Variants in RYR2 observed in about 807,000 individuals in gnomAD.
The protein encoded by RYR2 is ryanodine receptor 2, also known as cardiac muscle ryanodine receptor-calcium release channel.
A neutral mutation model predicts 601.1 loss-of-function variants in RYR2; 227 were observed. That is an observed-to-expected ratio of 0.38 (90% confidence interval 0.34 to 0.42). The LOEUF is 0.42. Ranked by LOEUF, RYR2 falls within the 10% of genes least tolerant of loss-of-function variation. The probability of loss-of-function intolerance (pLI) is 1.00; values close to 1 mark genes in which losing one functional copy is unlikely to be tolerated. For missense variants in RYR2, 4,646 were observed against 6,156.5 expected (o/e 0.75, Z 8.21); for synonymous variants, 2,223 against 2,175.1 (o/e 1.02, Z -0.61).
intron 27 of RYR2, among the ~76,000 whole-genome samples, chr1:237,551,946 C>T (rs1342488565): frequency 2.0e-5 from 3 of 152,094 alleles, no homozygotes; most frequent in African/African-American, 7.2e-5. Flanking sequence ...GTGTAGGATC[C>T]TAATCATAGG....
intron 99 of RYR2, among the ~76,000 whole-genome samples, chr1:237,806,541 A>G (rs147550689): frequency 6.6e-5 from 10 of 152,286 alleles, no homozygotes; most frequent in Non-Finnish European, 1.0e-4. Context: ...CGAAAATGAA[A>G]TAAAAACAAA....
chr1:237,425,161 T>A (rs190385187), intron 12 of RYR2, among the ~76,000 whole-genome samples: 2 of 152,308 alleles, frequency 1.3e-5, no homozygotes, highest in East Asian at 3.9e-4. Context: ...TACATGTTGG[T>A]CTTTGAAAGT....
chr1:237,158,722 C>T (rs1305242048), intron 1 of RYR2, among the ~76,000 whole-genome samples: 5 of 152,136 alleles, frequency 3.3e-5, no homozygotes, highest in Non-Finnish European at 5.9e-5. Context: ...GTCCAGGTTT[C>T]GTCTCCTCAG....
intron 1 of RYR2, among the ~76,000 whole-genome samples, chr1:237,247,992 G>A (rs1420148163): frequency 1.3e-5 from 2 of 152,074 alleles, no homozygotes; most frequent in Admixed American, 6.6e-5. Context: ...ATGATACATT[G>A]GCCGGGCACG....
At chr1:237,174,664 A>T (rs1471214456) in intron 1 of RYR2, among the ~76,000 whole-genome samples, 3 of 152,110 alleles carry the variant, frequency 2.0e-5, no homozygotes, top group Admixed American at 6.5e-5. Flanking sequence ...TCATGTTCTA[A>T]TATCCCGACT....
intron 45 of RYR2, 113 bp from the exon 46 acceptor site, chr1:237,638,902 T>G: frequency 1.6e-6 from 2 of 1,233,702 alleles, no homozygotes; most frequent in Non-Finnish European, 2.3e-6. Context: ...TTTATTAGTA[T>G]ATTGTTGGGT....
In RYR2 at chr1:237,566,697, T is replaced by C. The variant is rs1179145556; in HGVS notation, c.3345T>C (p.Val1115=). 5.0e-6 allele frequency: 8 copies of C among 1,613,928 alleles called. No homozygotes were observed. Among genetic ancestry groups the C allele is most frequent in the Non-Finnish European group, 6.8e-6 (8 of 1,179,874 alleles). The part of the protein sequence containing the change: ...FETVTAGDMR[V]GWSRPGCQPD... The stretch of plus-strand genomic sequence containing the variant: ...CGGTCACTGCTGGAGACATGAGGGT[T>C]GGTTGGAGTCGTCCTGGTTGTCAAC... Residue 1115 remains valine (V), a synonymous_variant, in exon 28 of 105, where the codon GTT becomes GTC. Coordinates refer to ENST00000366574, the MANE Select transcript of RYR2 (RefSeq NM_001035.3).
At chr1:237,544,652 G>T (rs1669618797) in intron 25 of RYR2, among the ~76,000 whole-genome samples, 1 of 152,146 alleles carries the variant, frequency 6.6e-6, no homozygotes, top group Non-Finnish European at 1.5e-5. Flanking sequence ...GCAGTTGGTT[G>T]TCCTCTGTGT....
chr1:237,830,224 C>T, intron 102 of RYR2: 1 of 284,390 alleles, frequency 3.5e-6, no homozygotes. Context: ...GATCACTAAG[C>T]CTGGACATTT....
intron 1 of RYR2, among the ~76,000 whole-genome samples, chr1:237,161,006 T>G (rs1349899021): frequency 6.6e-6 from 1 of 152,192 alleles, no homozygotes. Flanking sequence ...TACAGGAATT[T>G]AAGAAATCAT....
intron 2 of RYR2, among the ~76,000 whole-genome samples, chr1:237,282,238 G>A (rs951319553): frequency 4.6e-5 from 7 of 151,066 alleles, no homozygotes; most frequent in African/African-American, 7.3e-5. Flanking sequence ...TTAGTTTTGT[G>A]GGTCAGATGT....
chr1:237,566,584 T>A lies in RYR2; in HGVS notation c.3232T>A (p.Cys1078Ser), dbSNP rs1461378385. The A allele has an allele frequency of 1.2e-6, 2 of 1,613,838 alleles. No individual in the cohort carries two copies. The highest frequency in any genetic ancestry group is 2.7e-5 in the African/African-American group (2 of 74,932). The change falls in exon 28 of 105, where the codon TGC becomes AGC. Residue 1078 changes from cysteine to serine, a missense_variant. Physicochemically the swap from Cys to Ser is moderately radical, Grantham distance 112 (BLOSUM62 -1). Transcript: ENST00000366574. ...DQDHAARAEVCSGTGERFRIF... is the reference protein window; with the variant it reads ...DQDHAARAEVSSGTGERFRIF... ...TTTCCCAGCAGCCAGAGCCGAAGTG[T>A]GCAGCGGCACCGGGGAAAGGTTCCG... is the stretch of plus-strand genomic sequence containing the variant.
intron 25 of RYR2, among the ~76,000 whole-genome samples, chr1:237,542,149 G>A (rs572430186): frequency 1.7e-4 from 26 of 151,586 alleles, no homozygotes; most frequent in Middle Eastern, 3.4e-3. Context: ...GCTGGAGTGC[G>A]ATGGCGCCAT....
Position 237,298,454 on chromosome 1 carries a change from A to G in RYR2, c.168+27838A>G, listed in dbSNP as rs1026251653. 6.6e-5 allele frequency among the ~76,000 whole-genome samples: 10 copies of G among 152,182 alleles called. No individual in the cohort carries two copies. In the East Asian group the frequency reaches 7.7e-4, roughly 12 times the overall value. ...TGAAAAGACAAAGAATCATTGGTGT[A>G]GGCTTTACAGATGGAATGTGTGGCT... On this transcript the variant is annotated intron_variant, in intron 2 of 104. Coordinates refer to ENST00000366574, the MANE Select transcript of RYR2 (RefSeq NM_001035.3).
At chr1:237,804,103 G>T (rs1184806781) in intron 98 of RYR2, among the ~76,000 whole-genome samples, 1 of 152,070 alleles carries the variant, frequency 6.6e-6, no homozygotes, top group Non-Finnish European at 1.5e-5. Context: ...AGGTGCTAAA[G>T]AAATTTTCCT....
intron 1 of RYR2, among the ~76,000 whole-genome samples, chr1:237,113,828 C>T (rs1669765387): frequency 6.6e-6 from 1 of 152,150 alleles, no homozygotes; most frequent in Non-Finnish European, 1.5e-5. Context: ...TCTCTGAGTG[C>T]AGTATTTTTA....
chr1:237,403,156 C>T (rs1703540830), intron 10 of RYR2, among the ~76,000 whole-genome samples: 1 of 152,064 alleles, frequency 6.6e-6, no homozygotes, highest in Admixed American at 6.5e-5. Flanking sequence ...CCAAAATTGA[C>T]TAACTATATT....
At chr1:237,088,599 G>A (rs544514869) in intron 1 of RYR2, among the ~76,000 whole-genome samples, 8 of 152,200 alleles carry the variant, frequency 5.3e-5, no homozygotes, top group Non-Finnish European at 1.2e-4. Context: ...GCTAATCTAT[G>A]ATTTATCATT....
chr1:237,400,322 C>T (rs1429805496), intron 10 of RYR2, among the ~76,000 whole-genome samples: 1 of 152,170 alleles, frequency 6.6e-6, no homozygotes, highest in Non-Finnish European at 1.5e-5. Context: ...TCCCGACAGC[C>T]TTCTCCTCCG....
Sources: gnomAD v4.1 joint callset for allele counts (sites outside exome capture counted in the v4.1 genomes callset) on GRCh38, gnomAD v4.1.1 for gene constraint, MANE v1.5 for transcripts, NCBI Gene and HGNC (gene_info 2026-07-23, HGNC 2026-07-21) for gene names.